The following LRRC9 variants were observed in gnomAD, a reference collection of about 807,000 sequenced individuals.
The protein encoded by LRRC9 is leucine-rich repeat-containing protein 9.
A neutral mutation model predicts 63.2 loss-of-function variants in LRRC9; 122 were observed. The ratio of observed to expected loss-of-function variants is 1.93; its 90% CI spans 1.67 to 2.24. The LOEUF is 2.24. Among genes scored for constraint, LRRC9 ranks in the 30% most tolerant of loss-of-function variants. The pLI is 0.00. For missense variants in LRRC9, 1,071 were observed against 627.7 expected (o/e 1.71, Z -7.55); for synonymous variants, 366 against 213.1 (o/e 1.72, Z -6.25).
intron 25 of LRRC9, 91 bp downstream of exon 25, chr14:60,018,570 G>A (rs1278964804): frequency 4.0e-6 from 2 of 494,230 alleles, no homozygotes; most frequent in East Asian, 3.2e-5. Flanking sequence ...TGTTATTAAA[G>A]TAGATAAATT....
intron 8 of LRRC9, among the ~76,000 whole-genome samples, chr14:59,946,020 G>C (rs1344706049): frequency 6.6e-6 from 1 of 151,416 alleles, no homozygotes; most frequent in South Asian, 2.1e-4. Flanking sequence ...AAAATGCTGA[G>C]TTTTTGACCC....
At chr14:60,022,290 A>G (rs2140292358) in intron 26 of LRRC9, among the ~76,000 whole-genome samples, 1 of 151,756 alleles carries the variant, frequency 6.6e-6, no homozygotes, top group South Asian at 2.1e-4. Flanking sequence ...TTTTCAGATT[A>G]TTTATTGCTG....
intron 15 of LRRC9, among the ~76,000 whole-genome samples, chr14:59,979,980 A>C (rs141197957): frequency 1.3e-5 from 2 of 151,054 alleles, no homozygotes; most frequent in East Asian, 4.3e-4. Context: ...TAATAAAATT[A>C]AAAAAAAGAA....
chr14:59,963,511 T>C (rs1225087721), intron 10 of LRRC9, among the ~76,000 whole-genome samples: 1 of 137,090 alleles, frequency 7.3e-6, no homozygotes, highest in Non-Finnish European at 1.6e-5. Context: ...TATTTACAAC[T>C]AAAAAAAAAA....
chr14:59,920,834 C>T (rs577500413), intron 1 of LRRC9, among the ~76,000 whole-genome samples: 4 of 152,306 alleles, frequency 2.6e-5, no homozygotes, highest in African/African-American at 9.6e-5. Flanking sequence ...ATACCATATG[C>T]CTGTGGCATG....
rs868805792 is a variant in LRRC9, at chr14:60,052,885, G to C, written c.3991-180G>C. On this transcript the variant is annotated intron_variant, in intron 29 of 31. Coordinates refer to ENST00000445360, the Ensembl canonical transcript of LRRC9. ...TAAATGGTAGTCATAGTCTTTATTT[G>C]GCATAATAGGAAATTGAGTAATTTT... Among the ~76,000 whole-genome samples the C allele has an allele frequency of 3.3e-5, 5 of 152,164 alleles. No individual in the cohort carries two copies. In the South Asian group the frequency reaches 1.0e-3, roughly 32 times the overall value.
At position 59,986,128 on chromosome 14, in the gene LRRC9, T is replaced by C. The variant is rs879858030; in HGVS notation, c.2211+904T>C. ...ATCACATGCATAGATCTTGTTGAAT[T>C]TGTGTTTGCCTTCTTGTATATCATA... On this transcript the variant is annotated intron_variant, in intron 17 of 31. Coordinates refer to ENST00000445360, the Ensembl canonical transcript of LRRC9. The surrounding 1 kb of genome is among the most constrained non-coding windows in gnomAD (Gnocchi z 4.7). Among the ~76,000 whole-genome samples, 7 of 152,174 alleles carry C rather than the reference T, an allele frequency of 4.6e-5. No homozygotes were observed. Among genetic ancestry groups the C allele is most frequent in the Non-Finnish European group, 8.8e-5 (6 of 68,012 alleles).
exon 9 of LRRC9, chr14:59,959,946 A>G (rs762740265): frequency 2.7e-5 from 19 of 699,292 alleles, no homozygotes; most frequent in Middle Eastern, 2.3e-4. Context: ...CAAGTCTTCA[A>G]CAGAAGATAT....
At position 59,962,549 on chromosome 14, in the gene LRRC9, G is replaced by C. The variant is rs1033665532; in HGVS notation, c.1211+1504G>C. ...CTCCCGAGTAGCTAAGATTATAGGT[G>C]CATGCCACCACACCCACTAATTTTT... On this transcript the variant is annotated intron_variant, in intron 10 of 31. Coordinates refer to ENST00000445360, the Ensembl canonical transcript of LRRC9. The surrounding 1 kb of genome is among the most constrained non-coding windows in gnomAD (Gnocchi z 5.1). Among the ~76,000 whole-genome samples, 4 of 151,928 alleles carry C rather than the reference G, an allele frequency of 2.6e-5. No individual in the cohort carries two copies. Among genetic ancestry groups the C allele is most frequent in the Non-Finnish European group, 4.4e-5 (3 of 67,990 alleles).
chr14:59,966,935 A>G lies in LRRC9; in HGVS notation c.1389-161A>G, dbSNP rs1157419018. On this transcript the variant is annotated intron_variant, in intron 11 of 31. Coordinates refer to ENST00000445360, the Ensembl canonical transcript of LRRC9. This position sits in a 1 kb window ranked among gnomAD's most constrained non-coding sequence, Gnocchi z 4.0. ...ATGACCTCATAATTTATCCACATTGAGCCTGTTTTTGAGGTTGAAGGCAGG... is the reference window on the plus strand; with the variant it reads ...ATGACCTCATAATTTATCCACATTGGGCCTGTTTTTGAGGTTGAAGGCAGG... Among the ~76,000 whole-genome samples the G allele has an allele frequency of 6.6e-6, 1 of 152,186 alleles. No individual in the cohort carries two copies. Among genetic ancestry groups the G allele is most frequent in the Non-Finnish European group, 1.5e-5 (1 of 68,030 alleles).
chr14:60,039,596 G>A (rs1250002717), intron 29 of LRRC9, among the ~76,000 whole-genome samples: 1 of 152,136 alleles, frequency 6.6e-6, no homozygotes, highest in Non-Finnish European at 1.5e-5. Context: ...ATTTCTGTGG[G>A]ATCGGTGGTG....
intron 23 of LRRC9, among the ~76,000 whole-genome samples, chr14:60,011,991 A>C (rs1890296109): frequency 6.6e-6 from 1 of 152,218 alleles, no homozygotes. Flanking sequence ...GAGAGTTAAC[A>C]GTTAAGACCA....
intron 13 of LRRC9, among the ~76,000 whole-genome samples, chr14:59,975,149 ATG>A (rs565769876): frequency 1.4e-4 from 4 of 29,334 alleles, no homozygotes; most frequent in Admixed American, 5.0e-4. Context: ...ACATATATAT[ATG>A]TATATATATA....
intron 8 of LRRC9, among the ~76,000 whole-genome samples, chr14:59,954,778 G>A (rs1291840914): frequency 3.3e-5 from 5 of 152,122 alleles, no homozygotes; most frequent in Non-Finnish European, 7.4e-5. Flanking sequence ...TATTGGCTGT[G>A]GGTTTGTCAT....
intron 16 of LRRC9, among the ~76,000 whole-genome samples, chr14:59,984,476 C>T (rs1412914957): frequency 6.6e-6 from 1 of 152,116 alleles, no homozygotes; most frequent in African/African-American, 2.4e-5. Context: ...GGTATAAAGA[C>T]AGAAAAACAT....
At chr14:59,961,266 T>C (rs987548678) in intron 10 of LRRC9, among the ~76,000 whole-genome samples, 2 of 152,222 alleles carry the variant, frequency 1.3e-5, no homozygotes, top group Non-Finnish European at 2.9e-5. Flanking sequence ...GAGCCAACCT[T>C]GAAGACATCC....
intron 13 of LRRC9, among the ~76,000 whole-genome samples, chr14:59,975,602 T>C (rs567281464): frequency 6.6e-6 from 1 of 152,172 alleles, no homozygotes; most frequent in Non-Finnish European, 1.5e-5. Context: ...CAAGTATTTA[T>C]TGAATGCTTA....
chr14:59,924,225 C>T (rs932113484), intron 1 of LRRC9, among the ~76,000 whole-genome samples: 15 of 152,096 alleles, frequency 9.9e-5, no homozygotes. Context: ...GACTTTAATC[C>T]AGTATATAAG....
intron 23 of LRRC9, among the ~76,000 whole-genome samples, chr14:60,013,999 T>G (rs1335105017): frequency 1.3e-5 from 2 of 152,122 alleles, no homozygotes; most frequent in Non-Finnish European, 2.9e-5. Flanking sequence ...TTTTCTTTTT[T>G]GTGCCTTCCT....
Sources: gnomAD v4.1 joint callset for allele counts (sites outside exome capture counted in the v4.1 genomes callset) on GRCh38, gnomAD v4.1.1 for gene constraint, Gnocchi (gnomAD v3.1) non-coding constraint, MANE v1.5 for transcripts, NCBI Gene and HGNC (gene_info 2026-07-23, HGNC 2026-07-21) for gene names.